The following PCNX2 variants were observed in gnomAD, a reference collection of about 807,000 sequenced individuals.
PCNX2 encodes the protein pecanex-like protein 2.
In PCNX2, 168 loss-of-function variants were observed where a neutral mutation model predicts 223.8. The ratio of observed to expected loss-of-function variants is 0.75; its 90% CI spans 0.66 to 0.85. The LOEUF is 0.85. Among genes scored for constraint, PCNX2 ranks in the 40% least tolerant of loss-of-function variants. The probability of loss-of-function intolerance (pLI) is 0.00; values close to 1 mark genes in which losing one functional copy is unlikely to be tolerated. For missense variants in PCNX2, 2,507 were observed against 2,675.5 expected (o/e 0.94, Z 1.39); for synonymous variants, 1,006 against 1,052.6 (o/e 0.96, Z 0.86).
intron 19 of PCNX2, 78 bp downstream of exon 19, chr1:233,160,205 C>T (rs1678379958): frequency 3.4e-6 from 5 of 1,462,180 alleles, no homozygotes; most frequent in Non-Finnish European, 4.7e-6. Flanking sequence ...TACATTCAGA[C>T]TGTTGCACAT....
intron 27 of PCNX2, among the ~76,000 whole-genome samples, chr1:233,015,452 A>G (rs984145128): frequency 5.3e-5 from 8 of 152,182 alleles, no homozygotes; most frequent in Non-Finnish European, 1.0e-4. Context: ...TAATCTGAGC[A>G]CTTTGGGAGG....
chr1:233,038,290 C>T (rs532855281), intron 25 of PCNX2, among the ~76,000 whole-genome samples: 31 of 152,222 alleles, frequency 2.0e-4, no homozygotes, highest in African/African-American at 7.2e-4. Context: ...GATATGATTT[C>T]CCCCTACTAC....
chr1:233,039,368 C>A (rs1572037124), intron 25 of PCNX2, among the ~76,000 whole-genome samples: 1 of 152,080 alleles, frequency 6.6e-6, no homozygotes, highest in African/African-American at 2.4e-5. Flanking sequence ...GCCATGGGCA[C>A]CTTACTTAAA....
intron 17 of PCNX2, among the ~76,000 whole-genome samples, chr1:233,170,306 T>C (rs965075394): frequency 1.3e-5 from 2 of 152,238 alleles, no homozygotes; most frequent in African/African-American, 4.8e-5. Flanking sequence ...TTGTCAACAC[T>C]TAGTACTCTG....
intron 20 of PCNX2, among the ~76,000 whole-genome samples, chr1:233,137,769 A>G (rs1230401574): frequency 1.3e-5 from 2 of 152,208 alleles, no homozygotes; most frequent in African/African-American, 4.8e-5. Context: ...CTCTTAGATC[A>G]GGCTAAGAAA....
chr1:233,194,458 T>C (rs191150917), intron 15 of PCNX2, among the ~76,000 whole-genome samples: 55 of 152,262 alleles, frequency 3.6e-4, no homozygotes, highest in Middle Eastern at 3.4e-3. Context: ...GAAATGTACA[T>C]TGCAGAAATT....
At position 233,252,514 on chromosome 1, in the gene PCNX2, A is replaced by G; in HGVS notation, c.1983-15T>C. 1 of 1,590,094 alleles carries G rather than the reference A, an allele frequency of 6.3e-7. No individual in the cohort carries two copies. The highest frequency in any genetic ancestry group is 8.6e-7 in the Non-Finnish European group (1 of 1,166,428). On this transcript the variant is annotated splice_polypyrimidine_tract_variant and intron_variant, in intron 6 of 33. Transcript: ENST00000258229. ...TGCCCTGAAAACTTAACACATATAA[A>G]AGTTTCAAAAAAAATGATTAGAAGT... is the stretch of plus-strand genomic sequence containing the variant.
intron 8 of PCNX2, among the ~76,000 whole-genome samples, chr1:233,242,836 T>C (rs1658858908): frequency 6.6e-6 from 1 of 152,216 alleles, no homozygotes; most frequent in Non-Finnish European, 1.5e-5. Context: ...GGCAAATTAG[T>C]TCATTTTGGC....
chr1:233,014,827 C>T (rs758462163), intron 27 of PCNX2, 50 bp from the exon 28 acceptor site: 1 of 1,421,482 alleles, frequency 7.0e-7, no homozygotes, highest in South Asian at 1.2e-5. Context: ...CCAATATGTA[C>T]CAACACACAG....
rs1670105387 is a variant in PCNX2, at chr1:233,001,992, A to G, written c.4953-311T>C. Among the ~76,000 whole-genome samples, 1 of 152,210 alleles carries G rather than the reference A, an allele frequency of 6.6e-6. No individual in the cohort carries two copies. Among genetic ancestry groups the G allele is most frequent in the Non-Finnish European group, 1.5e-5 (1 of 68,026 alleles). ...TGGCCTCACGTGTCCACTCAAAGTTAGAGTGCTAAAACACAGTTTCATCTA... is the reference window on the plus strand; with the variant it reads ...TGGCCTCACGTGTCCACTCAAAGTTGGAGTGCTAAAACACAGTTTCATCTA... On this transcript the variant is annotated intron_variant, in intron 28 of 33. Coordinates refer to ENST00000258229, the MANE Select transcript of PCNX2 (RefSeq NM_014801.4). This position sits in a 1 kb window ranked among gnomAD's most constrained non-coding sequence, Gnocchi z 4.2.
At chr1:233,206,065 G>A (rs762560734) in intron 13 of PCNX2, among the ~76,000 whole-genome samples, 4 of 152,004 alleles carry the variant, frequency 2.6e-5, no homozygotes, top group Non-Finnish European at 5.9e-5. Context: ...GTGTGAGAAG[G>A]GGATGAGAAA....
rs978739648 is a variant in PCNX2, at chr1:233,000,244, A to G, written c.5328+61T>C. The G allele has an allele frequency of 1.3e-6, 2 of 1,497,042 alleles. No individual in the cohort carries two copies. Among genetic ancestry groups the G allele is most frequent in the South Asian group, 1.1e-5 (1 of 88,214 alleles). The allele number at this position is 1,497,042 out of a possible 1,614,324, so 92.7% of individuals were successfully genotyped here. A position where few individuals can be genotyped will look rare whatever the true frequency, so the allele number is the denominator to read the frequency against. The stretch of plus-strand genomic sequence containing the variant: ...GTGCCCCCCTGCCCACCACCATTCT[A>G]TTTCTTCTCAGATAGAGAGACACGA... On this transcript the variant is annotated intron_variant, in intron 30 of 33. Coordinates refer to ENST00000258229, the MANE Select transcript of PCNX2 (RefSeq NM_014801.4). This position sits in a 1 kb window ranked among gnomAD's most constrained non-coding sequence, Gnocchi z 4.6.
chr1:233,259,467 T>A, intron 4 of PCNX2, 123 bp from the exon 5 acceptor site: 2 of 1,342,244 alleles, frequency 1.5e-6, no homozygotes, highest in South Asian at 3.1e-5. Flanking sequence ...AGATACTTTT[T>A]TAATTTTACT....
At chr1:233,011,601 T>C (rs1030250358) in intron 28 of PCNX2, among the ~76,000 whole-genome samples, 12 of 152,136 alleles carry the variant, frequency 7.9e-5, no homozygotes, top group African/African-American at 2.2e-4. Flanking sequence ...TGCACAGCTG[T>C]CCAAGCTTTA....
At chr1:233,159,684 G>T (rs1363244501) in intron 19 of PCNX2, among the ~76,000 whole-genome samples, 2 of 152,178 alleles carry the variant, frequency 1.3e-5, no homozygotes, top group African/African-American at 2.4e-5. Context: ...TTATCTAGAA[G>T]AAATCTATTT....
In PCNX2 at chr1:233,237,461, T is replaced by C. The variant is rs192204291; in HGVS notation, c.2223-481A>G. Among the ~76,000 whole-genome samples the C allele has an allele frequency of 5.1e-3, 782 of 152,248 alleles. 3 individuals are homozygous for C. Among genetic ancestry groups the C allele is most frequent in the Non-Finnish European group, 8.8e-3 (597 of 68,008 alleles). On this transcript the variant is annotated intron_variant, in intron 8 of 33. Transcript: ENST00000258229. ...AAGTACTTATTAGACAAAAGAAATG[T>C]CTTGGGTAATTGATCAAGAGGACAT...
intron 2 of PCNX2, 155 bp from the exon 3 acceptor site, chr1:233,262,320 T>G: frequency 3.9e-6 from 2 of 506,370 alleles, no homozygotes; most frequent in Non-Finnish European, 5.1e-6. Flanking sequence ...GAGACAGGGC[T>G]TCGCTCTGTC....
At chr1:233,221,381 A>G (rs1357433832) in intron 10 of PCNX2, among the ~76,000 whole-genome samples, 2 of 152,068 alleles carry the variant, frequency 1.3e-5, no homozygotes, top group African/African-American at 4.8e-5. Context: ...ATAAAATTTC[A>G]AAGAAAAAAA....
rs1676974287 is a variant in PCNX2 at position 233,139,350 on chromosome 1, G to A, written c.3659+364C>T. Among the ~76,000 whole-genome samples, 1 of 152,122 alleles carries A rather than the reference G, an allele frequency of 6.6e-6. No homozygotes were observed. The highest frequency in any genetic ancestry group is 2.1e-4 in the South Asian group (1 of 4,826). ...TGATAGAGTATTTGCTAAATGAAAT[G>A]ACATGAAGCAGTTCATAAAGCTCTA... On this transcript the variant is annotated intron_variant, in intron 20 of 33. Coordinates refer to ENST00000258229, the MANE Select transcript of PCNX2 (RefSeq NM_014801.4). The surrounding 1 kb of genome is among the most constrained non-coding windows in gnomAD (Gnocchi z 4.4).
Sources: allele counts gnomAD v4.1 joint callset (sites outside exome capture counted in the v4.1 genomes callset), GRCh38; gene constraint gnomAD v4.1.1; non-coding constraint Gnocchi (gnomAD v3.1); transcripts MANE v1.5; gene names NCBI Gene and HGNC (gene_info 2026-07-23, HGNC 2026-07-21).